Variants in RAP2C observed in about 807,000 individuals in gnomAD.
RAP2C encodes the protein RAP2C, member of RAS oncogene family.
A neutral mutation model predicts 8.9 loss-of-function variants in RAP2C; 3 were observed. The observed-to-expected ratio is 0.34, with a 90% CI of 0.15 to 0.87. The LOEUF (loss-of-function observed/expected upper bound fraction) is 0.87. Ranked by LOEUF, RAP2C falls within the 40% of genes least tolerant of loss-of-function variation. The pLI, the probability that RAP2C is intolerant of heterozygous loss-of-function variation, is 0.51. For missense variants in RAP2C, 76 were observed against 133.7 expected, an observed-to-expected ratio of 0.57 and a Z score of 2.13; for synonymous variants, 60 against 52.1, an observed-to-expected ratio of 1.15 and a Z score of -0.65.
intron 5 of RAP2C, among the ~76,000 whole-genome samples, chrX:132,210,849 C>A (rs1225503719): frequency 9.0e-6 from 1 of 111,569 alleles, no homozygotes; most frequent in African/African-American, 3.3e-5. Context: ...ACCTTTACTG[C>A]ACTTCCCCCT....
chrX:132,211,388 T>C (rs751585053), intron 5 of RAP2C, among the ~76,000 whole-genome samples: 38 of 111,827 alleles, frequency 3.4e-4, no homozygotes, highest in Non-Finnish European at 6.2e-4. Context: ...AGCTATGATA[T>C]AGTGAATGAA....
chrX:132,208,719 A>G (rs1351697355), intron 5 of RAP2C, among the ~76,000 whole-genome samples: 1 of 111,042 alleles, frequency 9.0e-6, no homozygotes, highest in Non-Finnish European at 1.9e-5. Flanking sequence ...GGAGTGCAGT[A>G]GTGCAATTGT....
intron 5 of RAP2C, among the ~76,000 whole-genome samples, chrX:132,205,998 C>A (rs1930262567): frequency 9.0e-6 from 1 of 111,320 alleles, no homozygotes; most frequent in African/African-American, 3.3e-5. Context: ...TTATCAAATG[C>A]ATGTTAATTA....
At chrX:132,207,780 G>T (rs191458153) in intron 5 of RAP2C, among the ~76,000 whole-genome samples, 1 of 111,310 alleles carries the variant, frequency 9.0e-6, no homozygotes, top group East Asian at 2.8e-4. Flanking sequence ...AAAAGCAGCT[G>T]GTCAAATCAG....
chrX:132,213,022 C>T (rs1012501153), intron 5 of RAP2C, among the ~76,000 whole-genome samples: 2 of 111,569 alleles, frequency 1.8e-5, no homozygotes, highest in Admixed American at 1.9e-4. Flanking sequence ...AAATTAGGGA[C>T]CGTTAGTCTT....
chrX:132,211,486 C>G (rs780981693), intron 5 of RAP2C, among the ~76,000 whole-genome samples: 1 of 111,289 alleles, frequency 9.0e-6, no homozygotes, highest in East Asian at 2.8e-4. Flanking sequence ...CTTGATCATA[C>G]GCTCCTCAGA....
At position 132,217,405 on chromosome X, in the gene RAP2C, G is replaced by C. The variant is rs997495228; in HGVS notation, c.-137C>G. The C allele has an allele frequency of 1.6e-5, 8 of 491,604 alleles. No homozygotes were observed. Among genetic ancestry groups the C allele is most frequent in the Admixed American group, 4.3e-5 (1 of 23,446 alleles). 40.5% of individuals were successfully genotyped at this position (491,604 alleles called of 1,213,427 possible). A position where few individuals can be genotyped will look rare whatever the true frequency, so the allele number is the denominator to read the frequency against. On this transcript the variant is annotated 5_prime_UTR_variant, in exon 4 of 6. Transcript: ENST00000370874. ...GTGCAGAGGAGCAGAGGGCCCAACC[G>C]GGGAAGAAGAGGAAGTTACAGGAGG...
At chrX:132,207,218 TC>T (rs1930299304) in intron 5 of RAP2C, among the ~76,000 whole-genome samples, 1 of 112,038 alleles carries the variant, frequency 8.9e-6, no homozygotes, top group African/African-American at 3.2e-5. Context: ...AATTTTCATT[TC>T]CTTTTTTAAA....
chrX:132,217,404 CG>C lies in RAP2C; in HGVS notation c.-137del. On this transcript the variant is annotated 5_prime_UTR_variant, in exon 4 of 6. Transcript: ENST00000370874. Reference sequence around the variant, plus strand: ...AGTGCAGAGGAGCAGAGGGCCCAACCGGGGAAGAAGAGGAAGTTACAGGAGG... The same window carrying C: ...AGTGCAGAGGAGCAGAGGGCCCAACCGGGAAGAAGAGGAAGTTACAGGAGG... 3.5e-6 allele frequency: 1 copy of C among 282,936 alleles called. No individual in the cohort carries two copies. The highest frequency in any genetic ancestry group is 5.0e-6 in the Non-Finnish European group (1 of 200,430). 23.3% of individuals were successfully genotyped at this position (282,936 alleles called of 1,213,427 possible). A position where few individuals can be genotyped will look rare whatever the true frequency, so the allele number is the denominator to read the frequency against.
rs150657864 is a variant in RAP2C, at chrX:132,213,301, T to C, written c.*34+833A>G. Among the ~76,000 whole-genome samples, 657 of 111,794 alleles carry C rather than the reference T, an allele frequency of 5.9e-3. 6 individuals carry two copies. Among genetic ancestry groups the C allele is most frequent in the African/African-American group, 0.02 (630 of 30,764 alleles). On this transcript the variant is annotated intron_variant, in intron 5 of 5. Coordinates refer to ENST00000370874, the MANE Select transcript of RAP2C (RefSeq NM_001271186.2). The stretch of plus-strand genomic sequence containing the variant: ...AATTACAATCTAGACTAAAAGATCA[T>C]GGCATAAATAATCTTGTTTTAAATG...
intron 5 of RAP2C, among the ~76,000 whole-genome samples, chrX:132,210,230 T>C (rs1930390780): frequency 8.9e-6 from 1 of 112,015 alleles, no homozygotes; most frequent in South Asian, 3.7e-4. Flanking sequence ...ATTTTAAGTA[T>C]GTGATGTGAT....
intron 5 of RAP2C, among the ~76,000 whole-genome samples, chrX:132,211,965 G>C (rs1234145016): frequency 9.1e-6 from 1 of 109,720 alleles, no homozygotes; most frequent in Non-Finnish European, 1.9e-5. Flanking sequence ...TAAATGGTGA[G>C]CAAGGACAAC....
At chrX:132,218,093 A>ACCCACCCCCCACCCCCACCCCCACC (rs1342891233) in intron 2 of RAP2C, 81 bp from the exon 3 acceptor site, 17 of 23,705 alleles carry the variant, frequency 7.2e-4, no homozygotes, top group Admixed American at 6.5e-3. Flanking sequence ...TTTTTTTCTC[A>ACCCACCCCCCACCCCCACCCCCACC]CCCACCCCCC....
chrX:132,214,680 C>T (rs1930523284), intron 4 of RAP2C: 1 of 405,515 alleles, frequency 2.5e-6, no homozygotes, highest in African/African-American at 2.8e-5. Context: ...ATGGGTTGCA[C>T]ACTAACCTTG....
chrX:132,217,044 G>A lies in RAP2C; in HGVS notation c.225C>T (p.Gly75=). 8.5e-7 allele frequency: 1 copy of A among 1,178,438 alleles called. No individual in the cohort carries two copies. The highest frequency in any genetic ancestry group is 1.1e-6 in the Non-Finnish European group (1 of 879,094). The change falls in exon 4 of 6, where the codon GGC becomes GGT. Residue 75 remains glycine (G), a synonymous_variant. Coordinates refer to ENST00000370874, the MANE Select transcript of RAP2C (RefSeq NM_001271186.2). Reference sequence around the variant, plus strand: ...GGCTATAAACCAGGATGAAACCTTGGCCGTTTTTGATGTAGAGATCTCTCA... The same window carrying A: ...GGCTATAAACCAGGATGAAACCTTGACCGTTTTTGATGTAGAGATCTCTCA... ...ASMRDLYIKN[G]QGFILVYSLV... is the part of the protein sequence containing the mutation.
chrX:132,219,016 G>C (rs1396712159), intron 1 of RAP2C, among the ~76,000 whole-genome samples: 2 of 112,574 alleles, frequency 1.8e-5, no homozygotes, highest in Non-Finnish European at 3.8e-5. Context: ...TCTGGTGTTA[G>C]ATTCTAAGTT....
intron 5 of RAP2C, 134 bp downstream of exon 5, chrX:132,214,000 G>T: frequency 2.0e-6 from 1 of 500,559 alleles, no homozygotes; most frequent in Non-Finnish European, 3.0e-6. Context: ...ACTATTTTGT[G>T]TGATGGAAAA....
chrX:132,206,278 G>A (rs1930274428), intron 5 of RAP2C, among the ~76,000 whole-genome samples: 1 of 112,316 alleles, frequency 8.9e-6, no homozygotes, highest in Non-Finnish European at 1.9e-5. Flanking sequence ...GGTAAGGTCA[G>A]ATGCTAGGTG....
At position 132,205,285 on chromosome X, in the gene RAP2C, C is replaced by G. The variant is rs1930241606; in HGVS notation, c.*337G>C. ...GTTTGAGTATTTAATAAATACAAGT[C>G]GAGAAACTGATTAAAGAAATCAATT... On this transcript the variant is annotated 3_prime_UTR_variant, in exon 6 of 6. Coordinates refer to ENST00000370874, the MANE Select transcript of RAP2C (RefSeq NM_001271186.2). 9.0e-6 allele frequency: 1 copy of G among 111,444 alleles called. No individual in the cohort carries two copies. The highest frequency in any genetic ancestry group is 1.9e-5 in the Non-Finnish European group (1 of 53,001). 9.2% of individuals were successfully genotyped at this position (111,444 alleles called of 1,213,427 possible).
Sources: allele counts gnomAD v4.1 joint callset (sites outside exome capture counted in the v4.1 genomes callset), GRCh38; gene constraint gnomAD v4.1.1; transcripts MANE v1.5; gene names NCBI Gene and HGNC (gene_info 2026-07-23, HGNC 2026-07-21).